SSBP2: variants seen among roughly 807,000 people sequenced by gnomAD.
The protein encoded by SSBP2 is single stranded DNA binding protein 2.
A neutral mutation model predicts 61.8 loss-of-function variants in SSBP2; 17 were observed. The observed-to-expected ratio is 0.28, with a 90% CI of 0.19 to 0.41. The LOEUF is 0.41. Among genes scored for constraint, SSBP2 ranks in the 10% least tolerant of loss-of-function variants. SSBP2 has a pLI of 1.00. For synonymous variants in SSBP2, 139 were observed against 141.3 expected, an observed-to-expected ratio of 0.98 and a Z score of 0.12; for missense variants, 310 against 458.7, an observed-to-expected ratio of 0.68 and a Z score of 2.96.
intron 1 of SSBP2, among the ~76,000 whole-genome samples, chr5:81,712,806 C>T (rs1229956819): frequency 6.6e-6 from 1 of 150,698 alleles, no homozygotes; most frequent in African/African-American, 2.4e-5. Flanking sequence ...AATCATGGCT[C>T]ACTGCAGCCT....
chr5:81,513,672 C>T lies in SSBP2; in HGVS notation c.328G>A (p.Gly110Arg), dbSNP rs1268959133. The stretch of plus-strand genomic sequence containing the variant: ...ACAGGACCTACTGGCATGCCATCTC[C>T]TGGGGGAATGTTTCCTAGCACTGGA... The change falls in exon 5 of 17, where the codon GGA becomes AGA. Residue 110 changes from glycine to arginine, a missense_variant. Physicochemically the swap from Gly to Arg is moderately radical, Grantham distance 125 (BLOSUM62 -2). Around this residue, in one of 4 missense-constraint regions of SSBP2, gnomAD observed 209 missense variants for 286.4 expected, o/e 0.73. Transcript: ENST00000320672. 1.2e-6 allele frequency: 2 copies of T among 1,613,168 alleles called. No homozygotes were observed. Among genetic ancestry groups the T allele is most frequent in the Admixed American group, 1.7e-5 (1 of 59,960 alleles).
chr5:81,439,028 T>G (rs554519441), intron 14 of SSBP2, among the ~76,000 whole-genome samples: 2 of 152,220 alleles, frequency 1.3e-5, no homozygotes, highest in African/African-American at 4.8e-5. Flanking sequence ...ATCAAGACTT[T>G]GCAATCTAGG....
intron 2 of SSBP2, among the ~76,000 whole-genome samples, chr5:81,642,416 C>T (rs1748869958): frequency 6.6e-6 from 1 of 152,150 alleles, no homozygotes; most frequent in Non-Finnish European, 1.5e-5. Context: ...ATCTCAAGGC[C>T]CATTCCTAAT....
intron 1 of SSBP2, among the ~76,000 whole-genome samples, chr5:81,668,248 TAAAAAAAAAAAAAAA>T (rs11332987): frequency 4.2e-5 from 4 of 94,908 alleles, no homozygotes; most frequent in African/African-American, 1.7e-4. Flanking sequence ...TATGGAAGTT[TAAAAAAAAAAAAAAA>T]AAAAAAAAAA....
At chr5:81,559,440 A>G (rs1772869134) in intron 4 of SSBP2, among the ~76,000 whole-genome samples, 1 of 151,544 alleles carries the variant, frequency 6.6e-6, no homozygotes, top group African/African-American at 2.4e-5. Flanking sequence ...CTGTAGTCCC[A>G]GCTATTTGGG....
intron 4 of SSBP2, among the ~76,000 whole-genome samples, chr5:81,597,985 T>C (rs1581132266): frequency 1.3e-5 from 2 of 151,810 alleles, no homozygotes; most frequent in African/African-American, 4.8e-5. Flanking sequence ...TGTGCACATG[T>C]ACCCTAAAAC....
At chr5:81,534,855 T>G (rs1243455627) in intron 4 of SSBP2, among the ~76,000 whole-genome samples, 2 of 151,886 alleles carry the variant, frequency 1.3e-5, no homozygotes, top group Non-Finnish European at 2.9e-5. Flanking sequence ...ACAGAGAACA[T>G]TAAGTGGGAC....
intron 15 of SSBP2, among the ~76,000 whole-genome samples, chr5:81,433,921 C>T (rs73132068): frequency 0.016 from 2,448 of 152,286 alleles, 77 homozygotes; most frequent in African/African-American, 0.056. Context: ...CTAGCCTTGT[C>T]CACAAAAGAT....
At chr5:81,553,391 A>C (rs1772354947) in intron 4 of SSBP2, among the ~76,000 whole-genome samples, 1 of 151,904 alleles carries the variant, frequency 6.6e-6, no homozygotes, top group Non-Finnish European at 1.5e-5. Flanking sequence ...ATTGTGATAC[A>C]CTCCACCCTG....
At chr5:81,459,554 G>A (rs1362762351) in intron 10 of SSBP2, among the ~76,000 whole-genome samples, 1 of 152,180 alleles carries the variant, frequency 6.6e-6, no homozygotes, top group Non-Finnish European at 1.5e-5. Flanking sequence ...CATAGTTAAG[G>A]TGAGCCATTG....
intron 1 of SSBP2, among the ~76,000 whole-genome samples, chr5:81,681,327 C>T (rs1389055286): frequency 6.6e-6 from 1 of 152,020 alleles, no homozygotes; most frequent in African/African-American, 2.4e-5. Context: ...TAGGACCAGC[C>T]TGGCCAACGT....
intron 4 of SSBP2, among the ~76,000 whole-genome samples, chr5:81,598,866 G>A (rs1394739200): frequency 6.6e-6 from 1 of 152,060 alleles, no homozygotes; most frequent in Non-Finnish European, 1.5e-5. Flanking sequence ...TTCTATAATG[G>A]TTTATGATTT....
At chr5:81,713,139 C>T (rs1754910301) in intron 1 of SSBP2, among the ~76,000 whole-genome samples, 1 of 151,948 alleles carries the variant, frequency 6.6e-6, no homozygotes, top group Non-Finnish European at 1.5e-5. Flanking sequence ...AATCTGAATA[C>T]TAAACAGACA....
At chr5:81,539,000 G>A (rs1328255165) in intron 4 of SSBP2, among the ~76,000 whole-genome samples, 1 of 152,136 alleles carries the variant, frequency 6.6e-6, no homozygotes, top group Non-Finnish European at 1.5e-5. Context: ...TATTATTTAA[G>A]AAATATATTT....
In SSBP2 at chr5:81,494,609, T is replaced by C. The variant is rs528714467; in HGVS notation, c.373-5300A>G. Among the ~76,000 whole-genome samples, 7 of 152,272 alleles carry C rather than the reference T, an allele frequency of 4.6e-5. No homozygotes were observed. The South Asian group carries it at 1.5e-3, about 32-fold the overall frequency. ...TCTGCAAGCCAGGAGGAGGGTCCTC[T>C]CCAGGAGTCAAATTGGCTGGCACCT... On this transcript the variant is annotated intron_variant, in intron 5 of 16. Transcript: ENST00000320672.
chr5:81,691,592 C>G (rs35276127), intron 1 of SSBP2, among the ~76,000 whole-genome samples: 21,094 of 151,552 alleles, frequency 0.14, 1,806 homozygotes, highest in Non-Finnish European at 0.19. Context: ...CAAAGAAAAG[C>G]CCAGGACCCA....
chr5:81,705,841 G>A (rs1581388474), intron 1 of SSBP2, among the ~76,000 whole-genome samples: 1 of 152,164 alleles, frequency 6.6e-6, no homozygotes, highest in Non-Finnish European at 1.5e-5. Context: ...AAGTCAAAAA[G>A]CAACAGATGC....
At chr5:81,687,705 A>T (rs1415476477) in intron 1 of SSBP2, among the ~76,000 whole-genome samples, 1 of 152,184 alleles carries the variant, frequency 6.6e-6, no homozygotes, top group African/African-American at 2.4e-5. Context: ...TGAAGTTACC[A>T]TTCCAGGCCC....
chr5:81,668,103 G>A (rs537340610), intron 1 of SSBP2, among the ~76,000 whole-genome samples: 3 of 152,112 alleles, frequency 2.0e-5, no homozygotes, highest in African/African-American at 7.2e-5. Context: ...GCTTCGTGCT[G>A]GGAGGACACA....
Sources: allele counts gnomAD v4.1 joint callset (sites outside exome capture counted in the v4.1 genomes callset), GRCh38; gene constraint gnomAD v4.1.1; regional missense constraint gnomAD v4.1.1; transcripts MANE v1.5; gene names NCBI Gene and HGNC (gene_info 2026-07-23, HGNC 2026-07-21).